Variants in KCNMA1 observed in about 807,000 individuals in gnomAD.
KCNMA1 encodes Calcium-activated potassium channel subunit alpha-1.
KCNMA1 carries 29 observed loss-of-function variants against 140.0 expected under a neutral mutation model. The ratio of observed to expected loss-of-function variants is 0.21; its 90% CI spans 0.15 to 0.28. The LOEUF is 0.28. KCNMA1 is among the 10% of genes least tolerant of loss of function. KCNMA1 has a pLI of 1.00. For missense variants in KCNMA1, 880 were observed against 1,602.2 expected, an observed-to-expected ratio of 0.55 and a Z score of 7.70; for synonymous variants, 612 against 611.9, an observed-to-expected ratio of 1.00 and a Z score of 0.00.
chr10:77,096,981 G>A (rs2096948152), intron 9 of KCNMA1, among the ~76,000 whole-genome samples: 3 of 152,134 alleles, frequency 2.0e-5, no homozygotes, highest in African/African-American at 7.2e-5. Flanking sequence ...ACAGGAAGCA[G>A]GGCGTGGGGG....
intron 2 of KCNMA1, among the ~76,000 whole-genome samples, chr10:77,361,388 G>A (rs1332045667): frequency 6.6e-6 from 1 of 152,184 alleles, no homozygotes; most frequent in Non-Finnish European, 1.5e-5. Context: ...AGGAGGCCCT[G>A]AACAGTGCTG....
intron 1 of KCNMA1, among the ~76,000 whole-genome samples, chr10:77,570,791 T>A (rs1257586718): frequency 6.6e-6 from 1 of 151,734 alleles, no homozygotes; most frequent in Non-Finnish European, 1.5e-5. Context: ...ATTAGCCAGG[T>A]GTGGTGGCAC....
intron 1 of KCNMA1, among the ~76,000 whole-genome samples, chr10:77,578,818 T>C (rs963701737): frequency 1.3e-5 from 2 of 152,174 alleles, no homozygotes; most frequent in African/African-American, 4.8e-5. Context: ...ATCCCCTATA[T>C]ATTTGTTAAA....
chr10:77,330,518 C>A (rs1046412046), intron 2 of KCNMA1, among the ~76,000 whole-genome samples: 13 of 152,210 alleles, frequency 8.5e-5, no homozygotes, highest in African/African-American at 3.1e-4. Flanking sequence ...CAAACAATGG[C>A]AATGACCCCT....
intron 17 of KCNMA1, 131 bp from the exon 18 acceptor site, chr10:77,012,174 G>A: frequency 6.5e-7 from 1 of 1,547,288 alleles, no homozygotes; most frequent in Non-Finnish European, 8.7e-7. Context: ...CTTTTGAAAG[G>A]TTTAGACATT....
rs148304831 is a variant in KCNMA1, at chr10:77,175,640, G to T, written c.808+7781C>A. Among the ~76,000 whole-genome samples the T allele has an allele frequency of 3.7e-4, 56 of 152,296 alleles. 1 individual carries two copies. The highest frequency in any genetic ancestry group is 1.3e-3 in the African/African-American group (55 of 41,564). On this transcript the variant is annotated intron_variant, in intron 5 of 27. Coordinates refer to ENST00000286628, the MANE Select transcript of KCNMA1 (RefSeq NM_001161352.2). ...ACAGCACAATACAAAGGTCAGAGAG[G>T]AATTCATTCCAATGGATGAGAATGG... is the stretch of plus-strand genomic sequence containing the variant.
intron 1 of KCNMA1, among the ~76,000 whole-genome samples, chr10:77,630,090 C>T (rs1411868251): frequency 6.6e-6 from 1 of 152,198 alleles, no homozygotes; most frequent in African/African-American, 2.4e-5. Flanking sequence ...AGTCACTCCA[C>T]GGGCAGCTCT....
At chr10:76,941,367 T>C (rs1265532544) in intron 23 of KCNMA1, among the ~76,000 whole-genome samples, 1 of 152,060 alleles carries the variant, frequency 6.6e-6, no homozygotes, top group African/African-American at 2.4e-5. Context: ...GTCTCAGATA[T>C]AGAAAAGCAG....
chr10:76,948,140 A>G lies in KCNMA1; in HGVS notation c.2709+1002T>C, dbSNP rs766950539. Among the ~76,000 whole-genome samples, 4 of 152,028 alleles carry G rather than the reference A, an allele frequency of 2.6e-5. No individual in the cohort carries two copies. The East Asian group carries it at 7.7e-4, about 29-fold the overall frequency. Reference sequence around the variant, plus strand: ...CCAACTCAGCCTCTCAAGTAGCTGGAACTACAAGCACACGCCACCACATCA... The same window carrying G: ...CCAACTCAGCCTCTCAAGTAGCTGGGACTACAAGCACACGCCACCACATCA... On this transcript the variant is annotated intron_variant, in intron 22 of 27. Transcript: ENST00000286628.
chr10:77,062,066 T>A (rs1359980221), intron 14 of KCNMA1, among the ~76,000 whole-genome samples: 1 of 152,228 alleles, frequency 6.6e-6, no homozygotes, highest in Non-Finnish European at 1.5e-5. Context: ...TGTATCCTGA[T>A]TGTGGTGGTG....
intron 2 of KCNMA1, among the ~76,000 whole-genome samples, chr10:77,268,300 T>C (rs2063965329): frequency 6.6e-6 from 1 of 152,138 alleles, no homozygotes; most frequent in African/African-American, 2.4e-5. Flanking sequence ...ACCTCCATAG[T>C]TCTGTGCCTA....
intron 2 of KCNMA1, among the ~76,000 whole-genome samples, chr10:77,376,237 T>C (rs1406476200): frequency 6.6e-6 from 1 of 152,148 alleles, no homozygotes; most frequent in African/African-American, 2.4e-5. Context: ...AGGTACCTAG[T>C]TGGCTTCCAA....
chr10:77,633,252 C>T (rs184581955), intron 1 of KCNMA1, among the ~76,000 whole-genome samples: 77 of 152,034 alleles, frequency 5.1e-4, no homozygotes, highest in African/African-American at 1.5e-3. Flanking sequence ...GAGGCGCAGG[C>T]TGCAGTGAGC....
intron 5 of KCNMA1, among the ~76,000 whole-genome samples, 178 bp from the exon 6 acceptor site, chr10:77,121,226 G>A (rs1018625588): frequency 1.3e-5 from 2 of 152,150 alleles, no homozygotes; most frequent in African/African-American, 4.8e-5. Flanking sequence ...GTTTAATCTC[G>A]ACTGGGAAAT....
At chr10:77,546,766 G>A (rs2061545362) in intron 1 of KCNMA1, among the ~76,000 whole-genome samples, 1 of 152,216 alleles carries the variant, frequency 6.6e-6, no homozygotes, top group African/African-American at 2.4e-5. Flanking sequence ...CCTGTCAGGG[G>A]AGCACACAGA....
At chr10:77,454,784 C>G (rs892778806) in intron 1 of KCNMA1, among the ~76,000 whole-genome samples, 2 of 152,184 alleles carry the variant, frequency 1.3e-5, no homozygotes, top group African/African-American at 4.8e-5. Flanking sequence ...GGGCTATATT[C>G]TCTCTTAAGG....
intron 1 of KCNMA1, among the ~76,000 whole-genome samples, chr10:77,573,805 C>A (rs899894906): frequency 3.5e-4 from 53 of 151,314 alleles, no homozygotes; most frequent in Admixed American, 4.0e-4. Flanking sequence ...ACCTGTCCAC[C>A]TGCCTGTTCA....
chr10:77,631,888 G>C (rs1237098197), intron 1 of KCNMA1, among the ~76,000 whole-genome samples: 1 of 152,174 alleles, frequency 6.6e-6, no homozygotes, highest in Non-Finnish European at 1.5e-5. Flanking sequence ...CTCCCAAAGG[G>C]AGGCCATAGG....
In KCNMA1 at chr10:77,637,250, C is replaced by A. The variant is rs371765561; in HGVS notation, c.378+15G>T. On this transcript the variant is annotated intron_variant, in intron 1 of 27. Coordinates refer to ENST00000286628, the MANE Select transcript of KCNMA1 (RefSeq NM_001161352.2). ...GGGGCTGGCGCAGAGGGCGGGCGCC[C>A]GGGGCGCGCGTTACCTTCGTCTTGC... The A allele has an allele frequency of 3.6e-5, 58 of 1,592,026 alleles. No homozygotes were observed. The highest frequency in any genetic ancestry group is 4.8e-5 in the Non-Finnish European group (56 of 1,166,988).
Sources: allele counts gnomAD v4.1 joint callset (sites outside exome capture counted in the v4.1 genomes callset), GRCh38; gene constraint gnomAD v4.1.1; transcripts MANE v1.5; gene names NCBI Gene and HGNC (gene_info 2026-07-23, HGNC 2026-07-21).